The following FOXP1 variants were observed in gnomAD, a reference collection of about 807,000 sequenced individuals.
FOXP1 encodes the protein forkhead box P1, also known as forkhead box protein P1.
A neutral mutation model predicts 98.2 loss-of-function variants in FOXP1; 15 were observed. The observed-to-expected ratio is 0.15, with a 90% CI of 0.10 to 0.24. FOXP1 has a LOEUF of 0.24. Ranked by LOEUF, FOXP1 falls within the 10% of genes least tolerant of loss-of-function variation. The pLI, the probability that FOXP1 is intolerant of heterozygous loss-of-function variation, is 1.00. For synonymous variants in FOXP1, 371 were observed against 314.5 expected, an observed-to-expected ratio of 1.18 and a Z score of -1.90; for missense variants, 633 against 848.5, an observed-to-expected ratio of 0.75 and a Z score of 3.15.
At chr3:71,232,948 C>CACG in intron 5 of FOXP1, among the ~76,000 whole-genome samples, 1 of 143,250 alleles carries the variant, frequency 7.0e-6, no homozygotes, top group East Asian at 2.1e-4. Flanking sequence ...CTACTACCAC[C>CACG]ACCACCACCA....
intron 2 of FOXP1, among the ~76,000 whole-genome samples, chr3:71,553,365 C>T (rs541840680): frequency 1.3e-5 from 2 of 152,240 alleles, no homozygotes; most frequent in South Asian, 4.1e-4. Context: ...AAATTGTAGG[C>T]CTCATCAATT....
chr3:71,269,408 T>C (rs1394197054), intron 5 of FOXP1, among the ~76,000 whole-genome samples: 2 of 151,912 alleles, frequency 1.3e-5, no homozygotes, highest in Non-Finnish European at 2.9e-5. Context: ...AAAAATAAAA[T>C]TCCACTATAA....
chr3:71,002,155 C>T (rs1025812784), intron 12 of FOXP1, among the ~76,000 whole-genome samples: 2 of 152,170 alleles, frequency 1.3e-5, no homozygotes, highest in Non-Finnish European at 2.9e-5. Flanking sequence ...CAAATGTTCA[C>T]CTCTGGTACT....
intron 14 of FOXP1, among the ~76,000 whole-genome samples, chr3:70,978,844 T>C (rs1227363102): frequency 2.6e-5 from 4 of 152,246 alleles, no homozygotes; most frequent in African/African-American, 9.6e-5. Context: ...ATTGTGACAT[T>C]CTTTTACAGA....
chr3:71,068,933 C>G (rs1259544251), intron 7 of FOXP1, among the ~76,000 whole-genome samples: 1 of 152,230 alleles, frequency 6.6e-6, no homozygotes, highest in Non-Finnish European at 1.5e-5. Context: ...TTCCTGAGAT[C>G]TGGGGATTTG....
intron 2 of FOXP1, among the ~76,000 whole-genome samples, chr3:71,514,643 G>A (rs555405781): frequency 1.3e-5 from 2 of 152,314 alleles, no homozygotes; most frequent in African/African-American, 4.8e-5. Context: ...CCCCTGTTGG[G>A]AAGGGTATGT....
At chr3:71,487,725 A>G (rs1214868717) in intron 3 of FOXP1, among the ~76,000 whole-genome samples, 2 of 152,230 alleles carry the variant, frequency 1.3e-5, no homozygotes, top group Non-Finnish European at 2.9e-5. Context: ...CATGTGAACG[A>G]AAGTCTGCCC....
At chr3:71,130,710 G>C in intron 6 of FOXP1, 4 of 1,538,648 alleles carry the variant, frequency 2.6e-6, no homozygotes, top group Non-Finnish European at 2.6e-6. Flanking sequence ...CCTCAGGGAG[G>C]TTTGCCTCCA....
chr3:71,073,491 C>T (rs145591908), intron 7 of FOXP1, among the ~76,000 whole-genome samples: 2 of 152,312 alleles, frequency 1.3e-5, no homozygotes, highest in African/African-American at 4.8e-5. Context: ...CTCCACTGCA[C>T]ATAGAGAAGG....
chr3:70,972,716 T>C (rs752323689), intron 17 of FOXP1, 40 bp from the exon 18 acceptor site: 2 of 1,608,492 alleles, frequency 1.2e-6, no homozygotes, highest in African/African-American at 1.3e-5. Flanking sequence ...ACATTTTCTA[T>C]AAGAAAAGAC....
chr3:70,989,301 A>AT (rs11458884), intron 13 of FOXP1, among the ~76,000 whole-genome samples: 60,916 of 150,214 alleles, frequency 0.41, 16,588 homozygotes, highest in East Asian at 0.88. Flanking sequence ...ATCACATTTG[A>AT]TTTTTTTTTT....
At chr3:70,984,682 C>A (rs2039432937) in intron 14 of FOXP1, among the ~76,000 whole-genome samples, 1 of 151,990 alleles carries the variant, frequency 6.6e-6, no homozygotes, top group East Asian at 1.9e-4. Context: ...TGGTTTTGTT[C>A]TGAAAGGAAG....
At chr3:71,163,838 A>G (rs1008750806) in intron 6 of FOXP1, among the ~76,000 whole-genome samples, 2 of 151,148 alleles carry the variant, frequency 1.3e-5, no homozygotes, top group African/African-American at 4.9e-5. Flanking sequence ...TAGAGTTTTC[A>G]TAGAAGCCAT....
chr3:71,016,725 T>TATTGCC (rs2107751413), intron 11 of FOXP1, among the ~76,000 whole-genome samples: 1 of 152,020 alleles, frequency 6.6e-6, no homozygotes, highest in South Asian at 2.1e-4. Context: ...TTTCATTTCA[T>TATTGCC]ATTGCCATCA....
chr3:71,015,109 C>T (rs1374578650), intron 12 of FOXP1, among the ~76,000 whole-genome samples: 3 of 151,482 alleles, frequency 2.0e-5, no homozygotes, highest in Non-Finnish European at 2.9e-5. Flanking sequence ...GCATGTTGTG[C>T]ACACGTACCC....
At chr3:71,182,342 A>T (rs986167752) in intron 6 of FOXP1, among the ~76,000 whole-genome samples, 2 of 152,148 alleles carry the variant, frequency 1.3e-5, no homozygotes, top group African/African-American at 4.8e-5. Flanking sequence ...AGGTGCAGGT[A>T]TTCTCTGCCA....
chr3:71,533,677 T>G (rs947317848), intron 2 of FOXP1, among the ~76,000 whole-genome samples: 1 of 152,104 alleles, frequency 6.6e-6, no homozygotes, highest in African/African-American at 2.4e-5. Context: ...ATTTTTCGGG[T>G]GTTTTAAAGG....
At chr3:70,984,894 C>A (rs921862195) in intron 14 of FOXP1, among the ~76,000 whole-genome samples, 1 of 152,156 alleles carries the variant, frequency 6.6e-6, no homozygotes, top group Non-Finnish European at 1.5e-5. Context: ...ACAATAAGAT[C>A]CAGAAAATGC....
At position 71,494,590 on chromosome 3, in the gene FOXP1, T is replaced by C. The variant is rs546309482; in HGVS notation, c.-297-1035A>G. Among the ~76,000 whole-genome samples, 771 of 152,250 alleles carry C rather than the reference T, an allele frequency of 5.1e-3. 6 individuals are homozygous for C. The highest frequency in any genetic ancestry group is 0.018 in the African/African-American group (744 of 41,550). On this transcript the variant is annotated intron_variant, in intron 2 of 20. Coordinates refer to ENST00000649528, the MANE Select transcript of FOXP1 (RefSeq NM_001349338.3). The stretch of plus-strand genomic sequence containing the variant: ...GGCTTCCATTCCTCTCCAATGAGCA[T>C]AGCTCCATGTCCTGCAGAAATCTGT...
Sources: gnomAD v4.1 joint callset for allele counts (sites outside exome capture counted in the v4.1 genomes callset) on GRCh38, gnomAD v4.1.1 for gene constraint, MANE v1.5 for transcripts, NCBI Gene and HGNC (gene_info 2026-07-23, HGNC 2026-07-21) for gene names.